RBFOX1: variants seen among roughly 807,000 people sequenced by gnomAD.
RBFOX1 encodes RNA binding fox-1 homolog 1, also known as RNA binding protein fox-1 homolog 1.
In RBFOX1, 8 loss-of-function variants were observed where a neutral mutation model predicts 57.7. The observed-to-expected ratio is 0.14, with a 90% CI of 0.08 to 0.25. RBFOX1 has a LOEUF of 0.25. RBFOX1 is among the 10% of genes least tolerant of loss of function. RBFOX1 has a pLI of 1.00. For missense variants in RBFOX1, 611 were observed against 548.5 expected, an observed-to-expected ratio of 1.11 and a Z score of -1.14; for synonymous variants, 326 against 222.4, an observed-to-expected ratio of 1.47 and a Z score of -4.15.
At chr16:7,592,650 G>A (rs932998998) in intron 7 of RBFOX1, among the ~76,000 whole-genome samples, 2 of 152,126 alleles carry the variant, frequency 1.3e-5, no homozygotes, top group Non-Finnish European at 2.9e-5. Context: ...ATGTGGCATG[G>A]CTATGGTTGC....
chr16:7,020,561 T>G (rs139818683), intron 3 of RBFOX1, among the ~76,000 whole-genome samples: 42 of 152,250 alleles, frequency 2.8e-4, no homozygotes, highest in African/African-American at 8.4e-4. Flanking sequence ...GAAAATTAAA[T>G]AAAATAAGGA....
At position 5,387,309 on chromosome 16, in the gene RBFOX1, C is replaced by T. The variant is rs553658012; in HGVS notation, c.220-79907C>T. On this transcript the variant is annotated intron_variant, in intron 1 of 2. Coordinates refer to the RBFOX1 transcript ENST00000585867. ...TGCTGTAATAGAATTCTTCCACCCC[C>T]ACCTGTAGAGATTTAAACACACACA... Among the ~76,000 whole-genome samples, 94 of 152,300 alleles carry T rather than the reference C, an allele frequency of 6.2e-4. 1 individual carries two copies. Among genetic ancestry groups the T allele is most frequent in the African/African-American group, 2.2e-3 (91 of 41,562 alleles).
intron 1 of RBFOX1, among the ~76,000 whole-genome samples, chr16:6,297,109 G>C (rs1176962521): frequency 6.6e-6 from 1 of 152,156 alleles, no homozygotes; most frequent in Non-Finnish European, 1.5e-5. Context: ...TGGTGCTGGT[G>C]GGAGTGTAGC....
chr16:5,956,066 A>G (rs944015791), intron 4 of RBFOX1, among the ~76,000 whole-genome samples: 8 of 152,268 alleles, frequency 5.3e-5, no homozygotes, highest in East Asian at 1.9e-4. Flanking sequence ...TCACAAGAGC[A>G]GGAGTTCAAG....
intron 2 of RBFOX1, among the ~76,000 whole-genome samples, chr16:5,573,750 C>T (rs1278021492): frequency 1.3e-5 from 2 of 152,098 alleles, no homozygotes; most frequent in African/African-American, 2.4e-5. Context: ...TGGCTGGAGC[C>T]CACGAGTTCA....
chr16:7,220,738 G>T (rs145367496), intron 4 of RBFOX1, among the ~76,000 whole-genome samples: 1 of 148,846 alleles, frequency 6.7e-6, no homozygotes, highest in Non-Finnish European at 1.5e-5. Context: ...TCCTGGCTGA[G>T]TGTGGAATTT....
downstream of RBFOX1, among the ~76,000 whole-genome samples, chr16:5,603,636 T>C (rs538367471): frequency 1.3e-5 from 2 of 152,334 alleles, no homozygotes; most frequent in Admixed American, 6.5e-5. Flanking sequence ...AGCCACACTT[T>C]CCTTGATTAT....
At chr16:7,353,988 T>C (rs2097171525) in intron 4 of RBFOX1, among the ~76,000 whole-genome samples, 1 of 152,202 alleles carries the variant, frequency 6.6e-6, no homozygotes, top group South Asian at 2.1e-4. Flanking sequence ...TTTATTTTTT[T>C]GGAGACAGAC....
chr16:6,287,348 G>T (rs182133624), intron 1 of RBFOX1, among the ~76,000 whole-genome samples: 1 of 152,092 alleles, frequency 6.6e-6, no homozygotes, highest in Non-Finnish European at 1.5e-5. Context: ...AGTGATCTTC[G>T]TTGTTTTCCC....
At chr16:6,188,681 T>C (rs2097123156) in intron 1 of RBFOX1, among the ~76,000 whole-genome samples, 1 of 152,030 alleles carries the variant, frequency 6.6e-6, no homozygotes, top group Non-Finnish European at 1.5e-5. Context: ...AATGAAAAAA[T>C]CTTGGAAGTA....
At chr16:6,572,700 C>T (rs1479610353) in intron 2 of RBFOX1, among the ~76,000 whole-genome samples, 1 of 152,068 alleles carries the variant, frequency 6.6e-6, no homozygotes, top group Non-Finnish European at 1.5e-5. Flanking sequence ...TCAAGCGATT[C>T]TCTTGCCTCA....
chr16:5,859,390 A>C (rs2057153549), intron 3 of RBFOX1, among the ~76,000 whole-genome samples: 1 of 152,226 alleles, frequency 6.6e-6, no homozygotes, highest in South Asian at 2.1e-4. Context: ...GTTCCCATTG[A>C]ATATACATAA....
chr16:6,643,042 A>T (rs2098505346), intron 2 of RBFOX1, among the ~76,000 whole-genome samples: 1 of 152,202 alleles, frequency 6.6e-6, no homozygotes, highest in East Asian at 1.9e-4. Context: ...GCCCTGAAGC[A>T]TCTCTGCCAC....
At chr16:6,816,611 G>C (rs1473566870) in intron 3 of RBFOX1, among the ~76,000 whole-genome samples, 1 of 151,470 alleles carries the variant, frequency 6.6e-6, no homozygotes, top group Non-Finnish European at 1.5e-5. Flanking sequence ...GTGGTGGCGG[G>C]CACCTGTAGT....
At chr16:5,269,971 A>T (rs1264893479) in intron 1 of RBFOX1, among the ~76,000 whole-genome samples, 5 of 152,130 alleles carry the variant, frequency 3.3e-5, no homozygotes. Context: ...CGTTGGCAAC[A>T]TGGCAAGACC....
At chr16:6,728,995 T>C (rs5006206) in intron 3 of RBFOX1, among the ~76,000 whole-genome samples, 137,724 of 152,050 alleles carry the variant, frequency 0.91, 63,995 homozygotes, top group East Asian at 1. Flanking sequence ...GCATTCATTT[T>C]TGTTAATACA....
chr16:5,530,931 T>TAAAAA (rs2044443319), intron 2 of RBFOX1, among the ~76,000 whole-genome samples: 1 of 88,120 alleles, frequency 1.1e-5, no homozygotes, highest in Non-Finnish European at 2.8e-5. Context: ...CTACTAAAAA[T>TAAAAA]ATAAAAAAAA....
chr16:5,671,921 T>C (rs1405813097), intron 3 of RBFOX1, among the ~76,000 whole-genome samples: 3 of 152,180 alleles, frequency 2.0e-5, no homozygotes, highest in Non-Finnish European at 4.4e-5. Context: ...AGCCATAGCT[T>C]TTTCCAGGTA....
At chr16:6,997,148 T>A (rs1019959710) in intron 3 of RBFOX1, among the ~76,000 whole-genome samples, 14 of 152,140 alleles carry the variant, frequency 9.2e-5, no homozygotes, top group African/African-American at 3.4e-4. Flanking sequence ...AGTTGTCTTT[T>A]CTGTTAGCTG....
Sources: allele counts gnomAD v4.1 joint callset (sites outside exome capture counted in the v4.1 genomes callset), GRCh38; gene constraint gnomAD v4.1.1; transcripts MANE v1.5; gene names NCBI Gene and HGNC (gene_info 2026-07-23, HGNC 2026-07-21).